SGCZ: variants seen among roughly 807,000 people sequenced by gnomAD.
SGCZ encodes the protein zeta-sarcoglycan.
A neutral mutation model predicts 41.3 loss-of-function variants in SGCZ; 40 were observed. That is an observed-to-expected ratio of 0.97 (90% CI 0.75 to 1.26). The LOEUF is 1.26. Among genes scored for constraint, SGCZ ranks in the 50% most tolerant of loss-of-function variants. The probability of loss-of-function intolerance (pLI) is 0.00; values close to 1 mark genes in which losing one functional copy is unlikely to be tolerated. For missense variants in SGCZ, 552 were observed against 369.8 expected (o/e 1.49, Z -4.04); for synonymous variants, 206 against 137.5 (o/e 1.50, Z -3.49).
At chr8:14,147,529 G>A (rs1435173655) in intron 5 of SGCZ, among the ~76,000 whole-genome samples, 4 of 152,086 alleles carry the variant, frequency 2.6e-5, no homozygotes, top group African/African-American at 9.7e-5. Flanking sequence ...ATTTTAAATA[G>A]ATCTGCACCC....
At chr8:14,742,576 C>T (rs1473421555) in intron 1 of SGCZ, among the ~76,000 whole-genome samples, 3 of 152,026 alleles carry the variant, frequency 2.0e-5, no homozygotes, top group African/African-American at 7.2e-5. Context: ...ATTCAGTTTA[C>T]TTGGATCTCC....
Position 14,090,384 on chromosome 8 carries a change from C to T in SGCZ, c.*59G>A, listed in dbSNP as rs1801649395. 1 of 1,554,856 alleles carries T rather than the reference C, an allele frequency of 6.4e-7. No individual in the cohort carries two copies. Among genetic ancestry groups the T allele is most frequent in the Middle Eastern group, 1.9e-4 (1 of 5,216 alleles). On this transcript the variant is annotated 3_prime_UTR_variant, in exon 8 of 8. Transcript: ENST00000382080. ...TGATCACAAGGGAAACCGAGCAGAA[C>T]TGTGAAGCAGACGGACAGGAACAAA...
intron 1 of SGCZ, among the ~76,000 whole-genome samples, chr8:14,963,484 G>A (rs28659185): frequency 0.37 from 55,494 of 151,646 alleles, 10,963 homozygotes; most frequent in Non-Finnish European, 0.43. Flanking sequence ...AATTACAGGC[G>A]TGTGCCACCA....
intron 1 of SGCZ, among the ~76,000 whole-genome samples, chr8:14,755,038 T>C (rs1399982881): frequency 6.6e-6 from 1 of 152,206 alleles, no homozygotes; most frequent in Non-Finnish European, 1.5e-5. Context: ...CCTGGATTTC[T>C]CAACATAGTT....
intron 2 of SGCZ, among the ~76,000 whole-genome samples, chr8:14,396,978 A>G (rs1798937807): frequency 6.6e-6 from 1 of 152,150 alleles, no homozygotes; most frequent in Non-Finnish European, 1.5e-5. Flanking sequence ...CCTTTATAAG[A>G]TTGTTGTTGA....
intron 1 of SGCZ, among the ~76,000 whole-genome samples, chr8:14,562,938 C>A (rs1804250409): frequency 6.6e-6 from 1 of 152,138 alleles, no homozygotes; most frequent in South Asian, 2.1e-4. Flanking sequence ...CAGCAAATCA[C>A]CCAGTCAACT....
At chr8:14,431,274 A>T (rs944053585) in intron 2 of SGCZ, among the ~76,000 whole-genome samples, 2 of 152,326 alleles carry the variant, frequency 1.3e-5, no homozygotes, top group African/African-American at 4.8e-5. Context: ...GCATCACATT[A>T]CCTGATTTCA....
chr8:14,457,904 G>A (rs879206351), intron 2 of SGCZ, among the ~76,000 whole-genome samples: 28 of 152,174 alleles, frequency 1.8e-4, no homozygotes, highest in African/African-American at 6.3e-4. Flanking sequence ...AGTGGTCCCC[G>A]GGGCCCAGCT....
chr8:14,806,771 A>G (rs1487326069), intron 1 of SGCZ, among the ~76,000 whole-genome samples: 2 of 152,194 alleles, frequency 1.3e-5, no homozygotes, highest in East Asian at 3.9e-4. Flanking sequence ...TGGCAGAGAC[A>G]CAACCAAAAA....
chr8:14,979,263 G>C (rs886130623), intron 1 of SGCZ, among the ~76,000 whole-genome samples: 2 of 152,164 alleles, frequency 1.3e-5, no homozygotes, highest in African/African-American at 4.8e-5. Flanking sequence ...TCATTAAAAA[G>C]TTAAACATGT....
intron 1 of SGCZ, among the ~76,000 whole-genome samples, chr8:15,233,341 AAAAAG>A (rs1417735730): frequency 6.6e-6 from 1 of 151,516 alleles, no homozygotes; most frequent in East Asian, 1.9e-4. Context: ...AAAAAAAAAA[AAAAAG>A]AAAGAAAGAA....
intron 1 of SGCZ, among the ~76,000 whole-genome samples, chr8:15,089,513 C>A (rs1022115410): frequency 6.6e-6 from 1 of 151,932 alleles, no homozygotes; most frequent in African/African-American, 2.4e-5. Flanking sequence ...CAGTGATACT[C>A]CTCATGTCAA....
intron 1 of SGCZ, among the ~76,000 whole-genome samples, chr8:15,198,129 G>C (rs1294991386): frequency 2.0e-5 from 3 of 150,704 alleles, no homozygotes; most frequent in Non-Finnish European, 4.4e-5. Context: ...TGTCAAGAAA[G>C]AGAAACAGAG....
intron 1 of SGCZ, among the ~76,000 whole-genome samples, chr8:15,120,692 T>C (rs1472091030): frequency 4.6e-5 from 7 of 152,288 alleles, no homozygotes; most frequent in Admixed American, 3.9e-4. Flanking sequence ...GCTCAGCCCA[T>C]CGCCCCTGCT....
At chr8:14,203,171 G>A (rs1291437830) in intron 4 of SGCZ, among the ~76,000 whole-genome samples, 1 of 152,154 alleles carries the variant, frequency 6.6e-6, no homozygotes, top group Admixed American at 6.5e-5. Context: ...TCCCAGATAT[G>A]TTTTTATCAG....
At chr8:15,106,284 G>A (rs1263813317) in intron 1 of SGCZ, among the ~76,000 whole-genome samples, 3 of 151,998 alleles carry the variant, frequency 2.0e-5, no homozygotes, top group Non-Finnish European at 4.4e-5. Context: ...ATTTTCAAAA[G>A]TGTCACATGC....
chr8:14,989,560 G>A (rs899278477), intron 1 of SGCZ, among the ~76,000 whole-genome samples: 4 of 151,740 alleles, frequency 2.6e-5, no homozygotes, highest in South Asian at 2.1e-4. Flanking sequence ...GGTAAGCAAC[G>A]TGCTCAGAGC....
intron 4 of SGCZ, among the ~76,000 whole-genome samples, chr8:14,223,400 TAAAG>T (rs1183549426): frequency 6.6e-6 from 1 of 152,186 alleles, no homozygotes; most frequent in African/African-American, 2.4e-5. Context: ...CTTTAATAAA[TAAAG>T]ACATATACTA....
chr8:14,663,248 T>C (rs1332270082), intron 1 of SGCZ, among the ~76,000 whole-genome samples: 2 of 152,208 alleles, frequency 1.3e-5, no homozygotes, highest in Admixed American at 1.3e-4. Flanking sequence ...TTTAATTTAT[T>C]AGTTTCACAA....
Sources: allele counts gnomAD v4.1 joint callset (sites outside exome capture counted in the v4.1 genomes callset), GRCh38; gene constraint gnomAD v4.1.1; transcripts MANE v1.5; gene names NCBI Gene and HGNC (gene_info 2026-07-23, HGNC 2026-07-21).